The following CTNNAL1 variants were observed in gnomAD, a reference collection of about 807,000 sequenced individuals.
The protein encoded by CTNNAL1 is catenin alpha like 1, also known as alpha-catulin.
Under a neutral mutation model 93.6 loss-of-function variants are expected in CTNNAL1, and 69 were observed. The observed-to-expected ratio is 0.74, with a 90% CI of 0.61 to 0.90. CTNNAL1 has a LOEUF of 0.90. Among genes scored for constraint, CTNNAL1 ranks in the 40% least tolerant of loss-of-function variants. The pLI is 0.00. For synonymous variants in CTNNAL1, 286 were observed against 305.4 expected (o/e 0.94, Z 0.66); for missense variants, 836 against 862.0 (o/e 0.97, Z 0.38).
intron 1 of CTNNAL1, among the ~76,000 whole-genome samples, chr9:109,010,118 G>A (rs559071321): frequency 1.9e-4 from 29 of 152,250 alleles, no homozygotes; most frequent in Non-Finnish European, 3.2e-4. Flanking sequence ...CAGCTGCTGG[G>A]CTCAAGCCAT....
chr9:108,969,151 T>C (rs1375347494), intron 10 of CTNNAL1, among the ~76,000 whole-genome samples: 1 of 151,780 alleles, frequency 6.6e-6, no homozygotes, highest in East Asian at 1.9e-4. Flanking sequence ...ATGCCTGTAA[T>C]CCCAGCTACT....
rs151119679 is a variant in CTNNAL1, at chr9:108,983,084, T to TTAAAATAAAA, written c.900+51_900+60dup. The TTAAAATAAAA allele has an allele frequency of 4.0e-6, 5 of 1,254,854 alleles. No individual in the cohort carries two copies. In the African/African-American group the frequency reaches 7.8e-5, roughly 20 times the overall value. The allele number at this position is 1,254,854 out of a possible 1,614,324, so 77.7% of individuals were successfully genotyped here. A position where few individuals can be genotyped will look rare whatever the true frequency, so the allele number is the denominator to read the frequency against. On this transcript the variant is annotated intron_variant, in intron 6 of 18. Coordinates refer to ENST00000325551, the MANE Select transcript of CTNNAL1 (RefSeq NM_003798.4). ...CAGAGCGAGACTCCATCTCAAAAAA[T>TTAAAATAAAA]TAAAATAAAATAAAATAAAATAAGA...
Position 108,998,338 on chromosome 9 carries a change from C to G in CTNNAL1, c.331+729G>C, listed in dbSNP as rs965279368. On this transcript the variant is annotated intron_variant, in intron 2 of 18. Coordinates refer to ENST00000325551, the MANE Select transcript of CTNNAL1 (RefSeq NM_003798.4). The stretch of plus-strand genomic sequence containing the variant: ...GTCAGTAGCACCAAAGTTAAAAAAC[C>G]CTGCCCTCTCTAAAACAGCACCTTC... Among the ~76,000 whole-genome samples the G allele has an allele frequency of 5.3e-5, 8 of 152,096 alleles. No homozygotes were observed. The East Asian group carries it at 1.5e-3, about 29-fold the overall frequency.
Position 108,977,016 on chromosome 9 carries a change from T to G in CTNNAL1, c.1134A>C (p.Glu378Asp). 1.3e-6 allele frequency: 2 copies of G among 1,539,808 alleles called. No individual in the cohort carries two copies. The highest frequency in any genetic ancestry group is 1.7e-6 in the Non-Finnish European group (2 of 1,144,504). Residue 378 changes from glutamate to aspartate, a missense_variant, in exon 8 of 19, where the codon GAA becomes GAC. Transcript: ENST00000325551. ...TGATTTTCAAAATACTGAGTTCCAG[T>G]TCTTCAGCGATGCTTTTTGTTTTCT... Reference protein sequence around the residue: ...QSKKTKSIAEELELSILKISH... With the variant: ...QSKKTKSIAEDLELSILKISH...
chr9:108,979,198 G>T, intron 7 of CTNNAL1, 83 bp downstream of exon 7: 1 of 1,517,590 alleles, frequency 6.6e-7, no homozygotes, highest in Non-Finnish European at 9.0e-7. Context: ...TACTCCTGGT[G>T]ATTATGTAAC....
intron 1 of CTNNAL1, among the ~76,000 whole-genome samples, chr9:109,010,904 C>T (rs998082226): frequency 3.9e-5 from 6 of 152,158 alleles, no homozygotes; most frequent in Non-Finnish European, 8.8e-5. Context: ...GAGTATGTAC[C>T]ATTGATGATG....
chr9:109,004,456 C>A (rs1435364988), intron 1 of CTNNAL1, among the ~76,000 whole-genome samples: 1 of 152,114 alleles, frequency 6.6e-6, no homozygotes, highest in Non-Finnish European at 1.5e-5. Flanking sequence ...AGCCTCTTAG[C>A]CACTTAGCCA....
chr9:109,003,553 A>G (rs1034207124), intron 1 of CTNNAL1, among the ~76,000 whole-genome samples: 8 of 152,232 alleles, frequency 5.3e-5, no homozygotes, highest in Non-Finnish European at 1.2e-4. Flanking sequence ...GTCTTAATCA[A>G]GGAACTGGCA....
intron 11 of CTNNAL1, among the ~76,000 whole-genome samples, chr9:108,962,450 A>G (rs1186099579): frequency 3.3e-5 from 5 of 152,176 alleles, no homozygotes; most frequent in Admixed American, 3.3e-4. Flanking sequence ...AAAGGAGAAC[A>G]CTGAATTAAT....
intron 15 of CTNNAL1, among the ~76,000 whole-genome samples, chr9:108,945,436 T>C (rs1263028538): frequency 2.0e-5 from 3 of 151,884 alleles, no homozygotes; most frequent in Non-Finnish European, 4.4e-5. Flanking sequence ...TTTTTTTTAC[T>C]GTTGTTATAT....
At chr9:108,988,468 C>CTGCCTCTGCCCTTGTCTCCA (rs1008804148) in intron 4 of CTNNAL1, among the ~76,000 whole-genome samples, 1 of 152,188 alleles carries the variant, frequency 6.6e-6, no homozygotes, top group African/African-American at 2.4e-5. Context: ...AGTGGTCTCC[C>CTGCCTCTGCCCTTGTCTCCA]TGCCTCTGCC....
At chr9:108,976,551 GAC>G (rs1831271171) in intron 8 of CTNNAL1, among the ~76,000 whole-genome samples, 2 of 150,194 alleles carry the variant, frequency 1.3e-5, no homozygotes, top group Non-Finnish European at 3.0e-5. Flanking sequence ...CTTTTTTTGA[GAC>G]ACAGTCTCAC....
intron 4 of CTNNAL1, among the ~76,000 whole-genome samples, chr9:108,987,039 C>A (rs937677056): frequency 7.9e-5 from 12 of 152,272 alleles, no homozygotes; most frequent in African/African-American, 2.9e-4. Flanking sequence ...TTAATTAGAT[C>A]CCATTTGTCA....
intron 10 of CTNNAL1, among the ~76,000 whole-genome samples, chr9:108,969,051 C>T (rs1469790589): frequency 6.6e-6 from 1 of 152,076 alleles, no homozygotes; most frequent in African/African-American, 2.4e-5. Flanking sequence ...GCGGGGGGAT[C>T]ATGAGGTCAG....
chr9:108,950,705 C>G lies in CTNNAL1; in HGVS notation c.1835+1504G>C, dbSNP rs1017613147. ...GTGGATGCTCATCTTTTCAGTCTTT[C>G]TGGTGACTTTGCAAAAATAAATTGA... is the stretch of plus-strand genomic sequence containing the variant. On this transcript the variant is annotated intron_variant, in intron 14 of 18. Coordinates refer to ENST00000325551, the MANE Select transcript of CTNNAL1 (RefSeq NM_003798.4). 26 of 1,405,194 alleles carry G rather than the reference C, an allele frequency of 1.9e-5. No homozygotes were observed. The African/African-American group carries it at 3.2e-4, about 17-fold the overall frequency. 87.0% of individuals were successfully genotyped at this position (1,405,194 alleles called of 1,614,324 possible).
intron 11 of CTNNAL1, among the ~76,000 whole-genome samples, chr9:108,956,948 T>A (rs961702325): frequency 6.6e-6 from 1 of 151,718 alleles, no homozygotes; most frequent in Non-Finnish European, 1.5e-5. Flanking sequence ...TAACAGATTT[T>A]GAAGATGTAG....
At chr9:108,972,863 G>GCCCC in intron 8 of CTNNAL1, 30 bp from the exon 9 acceptor site, 2 of 231,684 alleles carry the variant, frequency 8.6e-6, no homozygotes, top group Non-Finnish European at 1.4e-5. Context: ...TGGGGGGGTG[G>GCCCC]GAGGGTGGAG....
chr9:108,974,521 T>C (rs945232860), intron 8 of CTNNAL1, among the ~76,000 whole-genome samples: 6 of 152,174 alleles, frequency 3.9e-5, no homozygotes, highest in African/African-American at 1.4e-4. Context: ...ACGTATAAAA[T>C]TTATATAAGA....
At chr9:108,980,996 A>G (rs1831410472) in intron 6 of CTNNAL1, among the ~76,000 whole-genome samples, 1 of 152,216 alleles carries the variant, frequency 6.6e-6, no homozygotes, top group Non-Finnish European at 1.5e-5. Flanking sequence ...CCATCAGAAA[A>G]AAAGCAAGAT....
Sources: allele counts gnomAD v4.1 joint callset (sites outside exome capture counted in the v4.1 genomes callset), GRCh38; gene constraint gnomAD v4.1.1; transcripts MANE v1.5; gene names NCBI Gene and HGNC (gene_info 2026-07-23, HGNC 2026-07-21).